LMF1: variants seen among roughly 807,000 people sequenced by gnomAD.
LMF1 encodes the protein transmembrane protein 112.
In LMF1, 68 loss-of-function variants were observed where a neutral mutation model predicts 60.6. The observed-to-expected ratio is 1.12, with a 90% CI of 0.92 to 1.37. The LOEUF (loss-of-function observed/expected upper bound fraction) is 1.37. Ranked by LOEUF, LMF1 falls within the 40% of genes most tolerant of loss-of-function variation. LMF1 has a pLI of 0.00. For missense variants in LMF1, 948 were observed against 767.2 expected, an observed-to-expected ratio of 1.24 and a Z score of -2.78; for synonymous variants, 418 against 324.7, an observed-to-expected ratio of 1.29 and a Z score of -3.09.
intron 4 of LMF1, among the ~76,000 whole-genome samples, chr16:898,765 G>A (rs1009433322): frequency 7.2e-5 from 11 of 152,222 alleles, no homozygotes; most frequent in African/African-American, 2.2e-4. Flanking sequence ...AGAAGTTGCT[G>A]CCCTAGTCAC....
chr16:927,170 C>G (rs1016367565), intron 3 of LMF1, among the ~76,000 whole-genome samples: 4 of 152,236 alleles, frequency 2.6e-5, no homozygotes, highest in Non-Finnish European at 4.4e-5. Context: ...TGCTCAAGAG[C>G]CCTTTCTCAC....
chr16:935,713 T>G (rs1447464165), intron 2 of LMF1, among the ~76,000 whole-genome samples: 2 of 152,204 alleles, frequency 1.3e-5, no homozygotes, highest in Non-Finnish European at 2.9e-5. Context: ...CTAAAGACAT[T>G]AAGGAGCAAC....
intron 10 of LMF1, among the ~76,000 whole-genome samples, chr16:860,550 A>G (rs1249588410): frequency 6.6e-6 from 1 of 152,096 alleles, no homozygotes; most frequent in East Asian, 1.9e-4. Flanking sequence ...CACGTTGCTC[A>G]GGCTGGTCTC....
chr16:940,767 C>G (rs2072079672), intron 2 of LMF1, among the ~76,000 whole-genome samples: 2 of 152,162 alleles, frequency 1.3e-5, no homozygotes, highest in Non-Finnish European at 1.5e-5. Context: ...GGAAAAACAC[C>G]CGGAAGTACT....
chr16:977,535 G>A (rs886866666), intron 1 of LMF1, among the ~76,000 whole-genome samples: 8 of 152,184 alleles, frequency 5.3e-5, no homozygotes, highest in Non-Finnish European at 1.0e-4. Flanking sequence ...ACGGGTGCTC[G>A]GGATGCAGGG....
intron 2 of LMF1, among the ~76,000 whole-genome samples, chr16:945,913 A>C (rs1323672123): frequency 6.6e-6 from 1 of 152,228 alleles, no homozygotes; most frequent in Non-Finnish European, 1.5e-5. Context: ...GAAAAGCCTC[A>C]GTACAAGGTG....
At position 913,134 on chromosome 16, in the gene LMF1, C is replaced by A. The variant is rs576578516; in HGVS notation, c.515-2055G>T. On this transcript the variant is annotated intron_variant, in intron 3 of 10. Coordinates refer to ENST00000262301, the MANE Select transcript of LMF1 (RefSeq NM_022773.4). ...CTGCTGGGCGCCAGCATCTGCACGC[C>A]CTGCTCTTCCCCAGGGACCTCCCTT... 1.3e-3 allele frequency among the ~76,000 whole-genome samples: 191 copies of A among 152,378 alleles called. 2 individuals are homozygous for A. The highest frequency in any genetic ancestry group is 6.8e-3 in the Middle Eastern group (2 of 294).
At chr16:955,251 TACACAC>T (rs373602941) in intron 1 of LMF1, among the ~76,000 whole-genome samples, 1 of 44,654 alleles carries the variant, frequency 2.2e-5, no homozygotes, top group Admixed American at 2.2e-4. Flanking sequence ...GGTGTGTGCA[TACACAC>T]ACACACATCT....
upstream of LMF1, among the ~76,000 whole-genome samples, chr16:975,016 A>G: frequency 6.6e-6 from 1 of 152,192 alleles, no homozygotes; most frequent in Middle Eastern, 3.4e-3. Context: ...CCAGCGGCCA[A>G]CCCCCCCACC....
chr16:890,165 T>G (rs2070438767), intron 5 of LMF1, among the ~76,000 whole-genome samples: 1 of 152,190 alleles, frequency 6.6e-6, no homozygotes, highest in African/African-American at 2.4e-5. Context: ...GGGCCATTCC[T>G]GCCCCAGGAG....
chr16:912,353 G>A (rs2071147651), intron 3 of LMF1, among the ~76,000 whole-genome samples: 1 of 152,184 alleles, frequency 6.6e-6, no homozygotes, highest in African/African-American at 2.4e-5. Context: ...GAAGCAGACG[G>A]AGGCTCGCGG....
chr16:871,590 G>A, intron 6 of LMF1: 1 of 533,832 alleles, frequency 1.9e-6, no homozygotes, highest in African/African-American at 1.9e-5. Flanking sequence ...TTTCTGTGCA[G>A]GTTCTGTCCC....
intron 2 of LMF1, among the ~76,000 whole-genome samples, chr16:947,883 CAG>C (rs2072280349): frequency 6.6e-6 from 1 of 150,572 alleles, no homozygotes; most frequent in Non-Finnish European, 1.5e-5. Flanking sequence ...CAGCCAACGA[CAG>C]AGTTAGAGAC....
chr16:856,036 G>A (rs1336247843), intron 10 of LMF1: 16 of 449,050 alleles, frequency 3.6e-5, no homozygotes, highest in South Asian at 1.9e-4. Flanking sequence ...CCTCTGGGTG[G>A]AGGAGGGTCC....
intron 2 of LMF1, among the ~76,000 whole-genome samples, chr16:941,995 A>G (rs1308837220): frequency 2.0e-5 from 3 of 152,092 alleles, no homozygotes; most frequent in African/African-American, 7.2e-5. Context: ...AGTGGATTTT[A>G]CTCCTTTCTA....
chr16:863,782 T>C (rs908944522), intron 10 of LMF1, among the ~76,000 whole-genome samples: 2 of 152,218 alleles, frequency 1.3e-5, no homozygotes, highest in Non-Finnish European at 2.9e-5. Flanking sequence ...TACAGGTGCT[T>C]CCACGGCATC....
intron 2 of LMF1, among the ~76,000 whole-genome samples, chr16:940,683 G>A (rs1400474926): frequency 1.3e-5 from 2 of 152,188 alleles, no homozygotes; most frequent in East Asian, 1.9e-4. Context: ...AGTGGGAGAC[G>A]CAGTCTCAGA....
At chr16:967,921 C>T (rs574873873) in intron 1 of LMF1, among the ~76,000 whole-genome samples, 5 of 152,034 alleles carry the variant, frequency 3.3e-5, no homozygotes, top group South Asian at 4.2e-4. Context: ...ATCTGCTCAA[C>T]GCAGTAATCA....
At chr16:950,805 GACGACAGAGTCAGCCA>G (rs1482305571) in intron 2 of LMF1, among the ~76,000 whole-genome samples, 1 of 111,364 alleles carries the variant, frequency 9.0e-6, no homozygotes, top group Non-Finnish European at 1.8e-5. Context: ...GACAGAGTCA[GACGACAGAGTCAGCCA>G]ACGACAGAGT....
Sources: allele counts gnomAD v4.1 joint callset (sites outside exome capture counted in the v4.1 genomes callset), GRCh38; gene constraint gnomAD v4.1.1; transcripts MANE v1.5; gene names NCBI Gene and HGNC (gene_info 2026-07-23, HGNC 2026-07-21).